ASPM: variants seen among roughly 807,000 people sequenced by gnomAD.
The protein encoded by ASPM is abnormal spindle-like microcephaly-associated protein.
A neutral mutation model predicts 366.4 loss-of-function variants in ASPM; 256 were observed. The observed-to-expected ratio is 0.70, with a 90% CI of 0.63 to 0.77. The LOEUF (loss-of-function observed/expected upper bound fraction) is 0.77, where lower values mean the gene tolerates loss of function less well. ASPM is among the 30% of genes least tolerant of loss of function. The probability of loss-of-function intolerance (pLI) is 0.00; values close to 1 mark genes in which losing one functional copy is unlikely to be tolerated. For synonymous variants in ASPM, 1,414 were observed against 1,342.9 expected, an observed-to-expected ratio of 1.05 and a Z score of -1.16; for missense variants, 4,146 against 4,090.4, an observed-to-expected ratio of 1.01 and a Z score of -0.37.
chr1:197,111,710 A>G (rs1415075045), intron 17 of ASPM, among the ~76,000 whole-genome samples: 1 of 152,154 alleles, frequency 6.6e-6, no homozygotes, highest in East Asian at 1.9e-4. Context: ...GATAAAGAAA[A>G]TGTGGTACAC....
At position 197,102,598 on chromosome 1, in the gene ASPM, G is replaced by T. The variant is rs1475784441; in HGVS notation, c.6653C>A (p.Thr2218Lys). The part of the protein sequence containing the change: ...YFNKLKKITK[T>K]VQQRYWAMKE... ...CATTGCCCAGTATCTTTGCTGTACT[G>T]TTTTTGTTATTTTCTTTAACTTATT... Residue 2218 changes from threonine (T) to lysine (K), a missense_variant, in exon 18 of 28, where the codon ACA becomes AAA. Coordinates refer to ENST00000367409, the MANE Select transcript of ASPM (RefSeq NM_018136.5). The T allele has an allele frequency of 2.5e-6, 4 of 1,612,040 alleles. No individual in the cohort carries two copies. Among genetic ancestry groups the T allele is most frequent in the Non-Finnish European group, 3.4e-6 (4 of 1,179,100 alleles).
In ASPM at chr1:197,103,354, T is replaced by G. The variant is rs140834556; in HGVS notation, c.5897A>C (p.Gln1966Pro). 345 of 1,613,314 alleles carry G rather than the reference T, an allele frequency of 2.1e-4. 1 individual carries two copies. Among genetic ancestry groups the G allele is most frequent in the Non-Finnish European group, 2.8e-4 (331 of 1,179,500 alleles). The change falls in exon 18 of 28, where the codon CAG becomes CCG. Residue 1966 changes from glutamine to proline, a missense_variant. Coordinates refer to ENST00000367409, the MANE Select transcript of ASPM (RefSeq NM_018136.5). ...SMWKGKTLRR[Q>P]LQRQHKCAII... is the part of the protein sequence containing the mutation. ...AGCACATTTATGTTGCCTTTGAAGC[T>G]GTCTTCTCAGTGTTTTTCCCTTCCA...
rs143092798 is a variant in ASPM, at chr1:197,105,037, C to T, written c.4214G>A (p.Arg1405His). 147 of 1,610,242 alleles carry T rather than the reference C, an allele frequency of 9.1e-5. No individual in the cohort carries two copies. The highest frequency in any genetic ancestry group is 3.9e-4 in the African/African-American group (29 of 74,704). ...WATVTIQRHW[R>H]AYLRRKQDQQ... ...ATCTTGTTTTCTTCTTAAATAAGCA[C>T]GCCAATGCCTCTGAATTGTAACTGT... Residue 1405 changes from arginine (R) to histidine (H), a missense_variant, in exon 18 of 28, where the codon CGT (arginine) becomes CAT (histidine). Transcript: ENST00000367409.
intron 5 of ASPM, 52 bp from the exon 6 acceptor site, chr1:197,133,647 A>G (rs373873830): frequency 3.7e-4 from 579 of 1,581,574 alleles, no homozygotes; most frequent in Admixed American, 1.8e-3. Context: ...ATCTCTACAT[A>G]TTCTTAAATC....
At position 197,103,671 on chromosome 1, in the gene ASPM, C is replaced by G; in HGVS notation, c.5580G>C (p.Ala1860=). 2 of 1,612,774 alleles carry G rather than the reference C, an allele frequency of 1.2e-6. No homozygotes were observed. The highest frequency in any genetic ancestry group is 2.2e-5 in the East Asian group (1 of 44,824). The stretch of plus-strand genomic sequence containing the variant: ...TTCTTGTATCATGAAGAGTCTTGTA[C>G]GCCCTGTACCATCTCTGAATCTTTA... ...SIIKIQRWYR[A]YKTLHDTRTH... Residue 1860 remains alanine (A), a synonymous_variant, in exon 18 of 28, where the codon GCG becomes GCC. Coordinates refer to ENST00000367409, the MANE Select transcript of ASPM (RefSeq NM_018136.5).
intron 16 of ASPM, among the ~76,000 whole-genome samples, chr1:197,120,500 T>C (rs1334466133): frequency 2.6e-5 from 4 of 151,990 alleles, no homozygotes; most frequent in Admixed American, 1.3e-4. Flanking sequence ...ATTGCACTCC[T>C]GCCTGGGTGA....
chr1:197,136,817 C>A (rs1658432727), intron 4 of ASPM, among the ~76,000 whole-genome samples: 1 of 151,882 alleles, frequency 6.6e-6, no homozygotes, highest in Admixed American at 6.6e-5. Context: ...CTGAAAGAGA[C>A]AAATATTTAC....
chr1:197,129,331 C>A lies in ASPM; in HGVS notation c.2630-14G>T. 6.8e-6 allele frequency: 11 copies of A among 1,609,234 alleles called. No individual in the cohort carries two copies. Among genetic ancestry groups the A allele is most frequent in the Non-Finnish European group, 9.3e-6 (11 of 1,177,132 alleles). On this transcript the variant is annotated splice_polypyrimidine_tract_variant and intron_variant, in intron 8 of 27. Transcript: ENST00000367409. Reference sequence around the variant, plus strand: ...CTTCTTCATGACCTTAAATAAAGTACAAAAAAGCACAGCAAGTTAATCTAT... The same window carrying A: ...CTTCTTCATGACCTTAAATAAAGTAAAAAAAAGCACAGCAAGTTAATCTAT...
intron 10 of ASPM, among the ~76,000 whole-genome samples, chr1:197,127,859 C>T (rs1036016250): frequency 3.3e-5 from 5 of 151,932 alleles, no homozygotes; most frequent in African/African-American, 1.2e-4. Flanking sequence ...TTCATGAAAC[C>T]ACTGTCAATA....
chr1:197,132,666 A>T (rs1205984714), intron 6 of ASPM, among the ~76,000 whole-genome samples: 1 of 151,838 alleles, frequency 6.6e-6, no homozygotes, highest in Non-Finnish European at 1.5e-5. Context: ...TATGGAATCA[A>T]TCTAAGTGTC....
Position 197,143,582 on chromosome 1 carries a change from T to C in ASPM, c.670A>G (p.Ile224Val). Residue 224 changes from isoleucine to valine, a missense_variant, in exon 3 of 28, where the codon ATT becomes GTT. Transcript: ENST00000367409. Reference sequence around the variant, plus strand: ...TGGCATTCATTGAAAGCAGGGCTAATAGGTGATATGGGTATTTTATTTTCT... The same window carrying C: ...TGGCATTCATTGAAAGCAGGGCTAACAGGTGATATGGGTATTTTATTTTCT... ...LEENKIPISP[I>V]SPAFNECHGA... The C allele has an allele frequency of 1.2e-6, 2 of 1,613,406 alleles. No individual in the cohort carries two copies. Among genetic ancestry groups the C allele is most frequent in the Non-Finnish European group, 1.7e-6 (2 of 1,179,892 alleles).
In ASPM at chr1:197,086,805, T is replaced by G. The variant is rs1558320736; in HGVS notation, c.10329A>C (p.Ser3443=). Residue 3443 remains serine (S), a splice_region_variant and synonymous_variant, in exon 27 of 28, where the codon TCA becomes TCC. Transcript: ENST00000367409. ...ATGGACTATATTTAATTGCTTACCT[T>G]GAAACTATTCTGGTCCTTACAGGTG... ...PETPVRTRIV[S]RLKPDWVLRR... is the part of the protein sequence containing the mutation. The G allele has an allele frequency of 1.2e-6, 2 of 1,605,048 alleles. No individual in the cohort carries two copies. Among genetic ancestry groups the G allele is most frequent in the Non-Finnish European group, 1.7e-6 (2 of 1,172,176 alleles).
In ASPM at chr1:197,101,576, C is replaced by T. The variant is rs773936558; in HGVS notation, c.7675G>A (p.Val2559Ile). ...TACATTCTGTAGGTGCTTTGTATTA[C>T]GATAGAAGCTTTGTGTTTTTCCCTT... Reference protein sequence around the residue: ...LLREKHKASIVIQSTYRMYRQ... With the variant: ...LLREKHKASIIIQSTYRMYRQ... The change falls in exon 18 of 28, where the codon GTA becomes ATA. Residue 2559 changes from valine to isoleucine, a missense_variant. Physicochemically the swap from Val to Ile is conservative, Grantham distance 29. Transcript: ENST00000367409. 14 of 1,609,568 alleles carry T rather than the reference C, an allele frequency of 8.7e-6. No homozygotes were observed. The highest frequency in any genetic ancestry group is 4.5e-5 in the East Asian group (2 of 44,810).
chr1:197,139,977 T>G (rs745825456), intron 3 of ASPM, 106 bp from the exon 4 acceptor site: 286 of 756,326 alleles, frequency 3.8e-4, no homozygotes, highest in Non-Finnish European at 4.3e-4. Context: ...CATATTCATT[T>G]AGCAAACACT....
At chr1:197,097,453 C>T (rs550864211) in intron 18 of ASPM, among the ~76,000 whole-genome samples, 23 of 151,662 alleles carry the variant, frequency 1.5e-4, no homozygotes, top group Non-Finnish European at 3.0e-4. Context: ...AATTCCTCCT[C>T]AAATCCCTCG....
At chr1:197,137,084 A>G (rs1658441750) in intron 4 of ASPM, among the ~76,000 whole-genome samples, 1 of 152,190 alleles carries the variant, frequency 6.6e-6, no homozygotes, top group African/African-American at 2.4e-5. Flanking sequence ...TTATTTTTAG[A>G]TATGGAATAA....
At chr1:197,106,212 T>C (rs1019684544) in intron 17 of ASPM, among the ~76,000 whole-genome samples, 1 of 152,014 alleles carries the variant, frequency 6.6e-6, no homozygotes, top group Non-Finnish European at 1.5e-5. Flanking sequence ...TTTTATTGTC[T>C]TCTTCCTCTA....
In ASPM at chr1:197,101,588, T is replaced by C; in HGVS notation, c.7663A>G (p.Lys2555Glu). The C allele has an allele frequency of 6.2e-7, 1 of 1,610,034 alleles. No homozygotes were observed. The highest frequency in any genetic ancestry group is 8.5e-7 in the Non-Finnish European group (1 of 1,178,862). ...KARQLLREKHKASIVIQSTYR... is the reference protein window; with the variant it reads ...KARQLLREKHEASIVIQSTYR... ...GTGCTTTGTATTACGATAGAAGCTT[T>C]GTGTTTTTCCCTTAAAAGTTGTCTT... Residue 2555 changes from lysine (K) to glutamate (E), a missense_variant, in exon 18 of 28, where the codon AAA (lysine) becomes GAA (glutamate). Lys to Glu is a moderately conservative substitution (Grantham distance 56). Coordinates refer to ENST00000367409, the MANE Select transcript of ASPM (RefSeq NM_018136.5).
At chr1:197,125,831 T>A (rs61819089) in intron 10 of ASPM, among the ~76,000 whole-genome samples, 46,301 of 151,912 alleles carry the variant, frequency 0.3, 8,838 homozygotes, top group Middle Eastern at 0.46. Context: ...CTGATTTCTG[T>A]CTTCAACAAA....
Sources: allele counts gnomAD v4.1 joint callset (sites outside exome capture counted in the v4.1 genomes callset), GRCh38; gene constraint gnomAD v4.1.1; transcripts MANE v1.5; gene names NCBI Gene and HGNC (gene_info 2026-07-23, HGNC 2026-07-21).